ELAC1: variants seen among roughly 807,000 people sequenced by gnomAD.
The protein encoded by ELAC1 is zinc phosphodiesterase ELAC protein 1.
A neutral mutation model predicts 25.8 loss-of-function variants in ELAC1; 19 were observed. That is an observed-to-expected ratio of 0.74 (90% CI 0.51 to 1.08). ELAC1 has a LOEUF of 1.08. Ranked by LOEUF, ELAC1 falls within the 50% of genes least tolerant of loss-of-function variation. The pLI, the probability that ELAC1 is intolerant of heterozygous loss-of-function variation, is 0.00. For synonymous variants in ELAC1, 148 were observed against 160.9 expected, an observed-to-expected ratio of 0.92 and a Z score of 0.61; for missense variants, 403 against 434.6, an observed-to-expected ratio of 0.93 and a Z score of 0.65.
intron 2 of ELAC1, 83 bp from the exon 3 acceptor site, chr18:50,984,013 T>C: frequency 3.7e-6 from 3 of 813,186 alleles, no homozygotes; most frequent in Non-Finnish European, 5.7e-6. Flanking sequence ...TAATGTAAAT[T>C]GTTAGGCTTG....
intron 2 of ELAC1, among the ~76,000 whole-genome samples, chr18:50,975,344 C>T (rs767489844): frequency 6.6e-6 from 1 of 152,036 alleles, no homozygotes; most frequent in Admixed American, 6.5e-5. Flanking sequence ...CAGAGGCTTT[C>T]CCAAATCCTC....
intron 1 of ELAC1, among the ~76,000 whole-genome samples, chr18:50,971,880 GTA>G (rs1052790748): frequency 4.1e-5 from 5 of 120,618 alleles, no homozygotes; most frequent in Non-Finnish European, 8.3e-5. Flanking sequence ...GTGTATATAT[GTA>G]TATATATGTA....
At chr18:50,978,345 AAAAG>A (rs1425803001) in intron 2 of ELAC1, among the ~76,000 whole-genome samples, 1 of 152,204 alleles carries the variant, frequency 6.6e-6, no homozygotes, top group African/African-American at 2.4e-5. Flanking sequence ...ATTTAAAAAA[AAAAG>A]AGGTTTAATG....
chr18:50,986,700 A>G lies in ELAC1; in HGVS notation c.707A>G (p.Gln236Arg), dbSNP rs1908116492. Residue 236 changes from glutamine (Q) to arginine (R), a missense_variant, in exon 4 of 4, where the codon CAA becomes CGA. Physicochemically the swap from Gln to Arg is conservative, Grantham distance 43. Coordinates refer to ENST00000269466, the MANE Select transcript of ELAC1 (RefSeq NM_018696.3). ...VLENGVTISPQDVLKKPIVGR... is the reference protein window; with the variant it reads ...VLENGVTISPRDVLKKPIVGR... ...GAAAATGGGGTTACAATTTCTCCCC[A>G]AGATGTCTTAAAAAAGCCTATTGTT... 1.9e-6 allele frequency: 3 copies of G among 1,614,180 alleles called. No homozygotes were observed. In the Admixed American group the frequency reaches 5.0e-5, roughly 27 times the overall value.
In ELAC1 at chr18:50,971,447, G is replaced by A. The variant is rs138547129; in HGVS notation, c.-8-2950G>A. Among the ~76,000 whole-genome samples, 31 of 152,326 alleles carry A rather than the reference G, an allele frequency of 2.0e-4. No individual in the cohort carries two copies. The East Asian group carries it at 5.8e-3, about 28-fold the overall frequency. The stretch of plus-strand genomic sequence containing the variant: ...CTGTCAAGCAGGCTGGAGTGCAGCA[G>A]TGAAATCACAGCTCACTGCAGCCTT... On this transcript the variant is annotated intron_variant, in intron 1 of 3. Transcript: ENST00000269466.
chr18:50,985,735 T>C (rs1908091007), intron 3 of ELAC1, among the ~76,000 whole-genome samples: 1 of 152,228 alleles, frequency 6.6e-6, no homozygotes, highest in Non-Finnish European at 1.5e-5. Flanking sequence ...TACTATTATA[T>C]TTGGAAACTT....
In ELAC1 at chr18:50,987,380, A is replaced by G. The variant is rs1376259319; in HGVS notation, c.*295A>G. 1 of 243,792 alleles carries G rather than the reference A, an allele frequency of 4.1e-6. No individual in the cohort carries two copies. Among genetic ancestry groups the G allele is most frequent in the African/African-American group, 2.2e-5 (1 of 44,918 alleles). 15.1% of individuals were successfully genotyped at this position (243,792 alleles called of 1,614,324 possible). A position where few individuals can be genotyped will look rare whatever the true frequency, so the allele number is the denominator to read the frequency against. ...TACTACCACAGATAGCCAATATTCC[A>G]TGCAGTCCTGGGCTTAGCTTCTGCC... On this transcript the variant is annotated 3_prime_UTR_variant, in exon 4 of 4. Coordinates refer to ENST00000269466, the MANE Select transcript of ELAC1 (RefSeq NM_018696.3).
chr18:50,978,505 T>A lies in ELAC1; in HGVS notation c.157+3944T>A, dbSNP rs1368901089. 3.3e-5 allele frequency among the ~76,000 whole-genome samples: 5 copies of A among 152,304 alleles called. No homozygotes were observed. In the East Asian group the frequency reaches 9.7e-4, roughly 29 times the overall value. ...AACCATCAGACCTCGTGAGACTTAT[T>A]CACTGTCACGAGAACAGCATGAGAA... On this transcript the variant is annotated intron_variant, in intron 2 of 3. Transcript: ENST00000269466.
intron 1 of ELAC1, among the ~76,000 whole-genome samples, chr18:50,970,951 A>G (rs1907636373): frequency 6.6e-6 from 1 of 152,162 alleles, no homozygotes; most frequent in Admixed American, 6.5e-5. Flanking sequence ...TACCATAGCC[A>G]TCTGTAACTT....
chr18:50,968,587 C>T (rs1222286511), intron 1 of ELAC1: 2 of 152,258 alleles, frequency 1.3e-5, no homozygotes, highest in African/African-American at 2.4e-5. Context: ...CCCATCATCA[C>T]CGGGGAATTG....
Position 50,987,121 on chromosome 18 carries a change from G to A in ELAC1, c.*36G>A. The A allele has an allele frequency of 7.1e-7, 1 of 1,416,432 alleles. No homozygotes were observed. The highest frequency in any genetic ancestry group is 9.5e-7 in the Non-Finnish European group (1 of 1,051,234). 87.7% of individuals were successfully genotyped at this position (1,416,432 alleles called of 1,614,324 possible). On this transcript the variant is annotated 3_prime_UTR_variant, in exon 4 of 4. Transcript: ENST00000269466. Reference sequence around the variant, plus strand: ...CCTGAGTGCACACTGACATGTCTGTGAATATGTTACTGAACCTATAGTCCA... The same window carrying A: ...CCTGAGTGCACACTGACATGTCTGTAAATATGTTACTGAACCTATAGTCCA...
chr18:50,973,273 G>A (rs111898587), intron 1 of ELAC1, among the ~76,000 whole-genome samples: 8 of 152,276 alleles, frequency 5.3e-5, no homozygotes, highest in Middle Eastern at 6.8e-3. Context: ...TGCCATCAAT[G>A]TGGATAATCT....
chr18:50,974,472 C>A lies in ELAC1; in HGVS notation c.68C>A (p.Ala23Asp). Residue 23 changes from alanine (A) to aspartate (D), a missense_variant, in exon 2 of 4, where the codon GCT (alanine) becomes GAT (aspartate). Physicochemically the swap from Ala to Asp is moderately radical, Grantham distance 126 (BLOSUM62 -2). Transcript: ENST00000269466. ...AYPSPTRGASAVVLRCEGECW... is the reference protein window; with the variant it reads ...AYPSPTRGASDVVLRCEGECW... ...CCATCTCCAACCCGGGGTGCCTCTGCTGTGGTCCTTCGGTGTGAAGGCGAG... is the reference window on the plus strand; with the variant it reads ...CCATCTCCAACCCGGGGTGCCTCTGATGTGGTCCTTCGGTGTGAAGGCGAG... The A allele has an allele frequency of 6.2e-7, 1 of 1,608,250 alleles. No homozygotes were observed. Among genetic ancestry groups the A allele is most frequent in the South Asian group, 1.1e-5 (1 of 90,258 alleles).
intron 2 of ELAC1, among the ~76,000 whole-genome samples, chr18:50,976,511 T>C (rs1907799126): frequency 6.6e-6 from 1 of 152,168 alleles, no homozygotes; most frequent in Admixed American, 6.5e-5. Context: ...ATGAGACTTA[T>C]TCACTGTCGT....
intron 2 of ELAC1, among the ~76,000 whole-genome samples, chr18:50,979,930 C>T (rs1907898517): frequency 6.6e-6 from 1 of 152,114 alleles, no homozygotes; most frequent in Admixed American, 6.6e-5. Context: ...GGGGTTTTGC[C>T]ATGTTGCCCA....
At chr18:50,971,779 A>G (rs188787022) in intron 1 of ELAC1, among the ~76,000 whole-genome samples, 3 of 151,388 alleles carry the variant, frequency 2.0e-5, no homozygotes, top group Admixed American at 6.6e-5. Context: ...TTTTAAATAG[A>G]TACACGATAG....
Position 50,984,545 on chromosome 18 carries a change from C to G in ELAC1, c.607C>G (p.Gln203Glu), listed in dbSNP as rs749955163. 2.6e-5 allele frequency: 42 copies of G among 1,612,548 alleles called. No homozygotes were observed. Among genetic ancestry groups the G allele is most frequent in the Non-Finnish European group, 3.2e-5 (38 of 1,179,500 alleles). The change falls in exon 3 of 4, where the codon CAG (glutamine) becomes GAG (glutamate). Residue 203 changes from glutamine to glutamate, a missense_variant. By Grantham distance (29) the Gln-to-Glu change is conservative. Transcript: ENST00000269466. The stretch of plus-strand genomic sequence containing the variant: ...GAAACGCCCAGGTAAACTCAATGCA[C>G]AGAAACTTAAAGACCTTGGTAAGTG... ...EKKRPGKLNA[Q>E]KLKDLGVPPG... is the part of the protein sequence containing the mutation.
chr18:50,986,857 G>A lies in ELAC1; in HGVS notation c.864G>A (p.Glu288=). Residue 288 remains glutamate, a synonymous_variant, in exon 4 of 4, where the codon GAG becomes GAA. Transcript: ENST00000269466. ...LDDAQMDKAK[E]HGHSTPQMAA... ...ATGCCCAGATGGACAAAGCAAAGGA[G>A]CATGGCCACAGCACACCACAGATGG... is the stretch of plus-strand genomic sequence containing the variant. 1 of 1,614,180 alleles carries A rather than the reference G, an allele frequency of 6.2e-7. No individual in the cohort carries two copies. Among genetic ancestry groups the A allele is most frequent in the Non-Finnish European group, 8.5e-7 (1 of 1,180,028 alleles).
chr18:50,976,646 A>G (rs1263682894), intron 2 of ELAC1, among the ~76,000 whole-genome samples: 1 of 152,130 alleles, frequency 6.6e-6, no homozygotes, highest in Admixed American at 6.5e-5. Context: ...TAGCTAAACC[A>G]TATCATTCCA....
Sources: allele counts gnomAD v4.1 joint callset (sites outside exome capture counted in the v4.1 genomes callset), GRCh38; gene constraint gnomAD v4.1.1; transcripts MANE v1.5; gene names NCBI Gene and HGNC (gene_info 2026-07-23, HGNC 2026-07-21).